Variants in OGFRL1 observed in about 807,000 individuals in gnomAD.
OGFRL1 encodes the protein opioid growth factor receptor-like protein 1.
Under a neutral mutation model 32.4 loss-of-function variants are expected in OGFRL1, and 26 were observed. The observed-to-expected ratio is 0.80, with a 90% CI of 0.59 to 1.11. The LOEUF is 1.11. Among genes scored for constraint, OGFRL1 ranks in the 50% most tolerant of loss-of-function variants. The pLI, the probability that OGFRL1 is intolerant of heterozygous loss-of-function variation, is 0.00. For synonymous variants in OGFRL1, 211 were observed against 201.2 expected, an observed-to-expected ratio of 1.05 and a Z score of -0.41; for missense variants, 521 against 546.4, an observed-to-expected ratio of 0.95 and a Z score of 0.46.
chr6:71,302,088 G>A lies in OGFRL1; in HGVS notation c.*39G>A, dbSNP rs1293976121. 6.9e-7 allele frequency: 1 copy of A among 1,446,984 alleles called. No homozygotes were observed. Among genetic ancestry groups the A allele is most frequent in the Non-Finnish European group, 9.1e-7 (1 of 1,101,744 alleles). The allele number at this position is 1,446,984 out of a possible 1,614,324, so 89.6% of individuals were successfully genotyped here. A position where few individuals can be genotyped will look rare whatever the true frequency, so the allele number is the denominator to read the frequency against. The stretch of plus-strand genomic sequence containing the variant: ...CCAGAAGCCAGTTTAGGCTAGAGAG[G>A]AAAAAACTACTGTATCATTTATCCT... On this transcript the variant is annotated 3_prime_UTR_variant, in exon 7 of 7. Coordinates refer to ENST00000370435, the MANE Select transcript of OGFRL1 (RefSeq NM_024576.5).
Position 71,301,463 on chromosome 6 carries a change from C to G in OGFRL1, c.770C>G (p.Pro257Arg). 2 of 1,612,438 alleles carry G rather than the reference C, an allele frequency of 1.2e-6. No homozygotes were observed. Among genetic ancestry groups the G allele is most frequent in the Non-Finnish European group, 1.7e-6 (2 of 1,179,562 alleles). The change falls in exon 7 of 7, where the codon CCT becomes CGT. Residue 257 changes from proline (P) to arginine (R), a missense_variant. Coordinates refer to ENST00000370435, the MANE Select transcript of OGFRL1 (RefSeq NM_024576.5). ...CTTGGATATGAAAGTTTTAAATCTC[C>G]TCTTGTAAAATTTATTCTTCATGAA... ...GELGYESFKSPLVKFILHEAL... is the reference protein window; with the variant it reads ...GELGYESFKSRLVKFILHEAL...
chr6:71,293,877 A>G (rs1766126179), intron 3 of OGFRL1, among the ~76,000 whole-genome samples: 1 of 152,212 alleles, frequency 6.6e-6, no homozygotes, highest in South Asian at 2.1e-4. Flanking sequence ...ATTAAGGAAC[A>G]GTAGAGAAGA....
Position 71,300,947 on chromosome 6 carries a change from A to G in OGFRL1, c.693-439A>G, listed in dbSNP as rs140402892. On this transcript the variant is annotated intron_variant, in intron 6 of 6. Coordinates refer to ENST00000370435, the MANE Select transcript of OGFRL1 (RefSeq NM_024576.5). Reference sequence around the variant, plus strand: ...TGGATTTTGCTTATCAGCTGGCACTATAAATTGTACCAGTCAGCTGTTAGC... The same window carrying G: ...TGGATTTTGCTTATCAGCTGGCACTGTAAATTGTACCAGTCAGCTGTTAGC... 3.6e-4 allele frequency among the ~76,000 whole-genome samples: 55 copies of G among 152,336 alleles called. No homozygotes were observed. The East Asian group carries it at 9.5e-3, about 26-fold the overall frequency.
In OGFRL1 at chr6:71,296,820, A is replaced by G; in HGVS notation, c.692+3A>G. On this transcript the variant is annotated splice_donor_region_variant and intron_variant, in intron 6 of 6. Transcript: ENST00000370435. Reference sequence around the variant, plus strand: ...GAAAGATTTCAGCATCTGAATGAGTAAGTAAAGCCCCTGTGATAAATCAGG... The same window carrying G: ...GAAAGATTTCAGCATCTGAATGAGTGAGTAAAGCCCCTGTGATAAATCAGG... 1.9e-6 allele frequency: 3 copies of G among 1,611,488 alleles called. No homozygotes were observed. The Admixed American group carries it at 5.1e-5, about 27-fold the overall frequency.
rs1766427185 is a variant in OGFRL1 at position 71,302,429 on chromosome 6, G to C, written c.*380G>C. 1 of 155,374 alleles carries C rather than the reference G, an allele frequency of 6.4e-6. No individual in the cohort carries two copies. The highest frequency in any genetic ancestry group is 1.4e-5 in the Non-Finnish European group (1 of 70,372). The allele number at this position is 155,374 out of a possible 1,614,324, so 9.6% of individuals were successfully genotyped here. On this transcript the variant is annotated 3_prime_UTR_variant, in exon 7 of 7. Coordinates refer to ENST00000370435, the MANE Select transcript of OGFRL1 (RefSeq NM_024576.5). The stretch of plus-strand genomic sequence containing the variant: ...GGAAATCAAGAGGATAATTTCATTG[G>C]ATTGCTACACTTTTACCTGATTTAT...
chr6:71,301,223 T>C (rs1766373684), intron 6 of OGFRL1, among the ~76,000 whole-genome samples, 163 bp from the exon 7 acceptor site: 2 of 152,210 alleles, frequency 1.3e-5, no homozygotes, highest in Admixed American at 1.3e-4. Context: ...TTTAATACCC[T>C]CTGGTTTATT....
chr6:71,295,222 A>T (rs1766168416), intron 3 of OGFRL1: 1 of 152,184 alleles, frequency 6.6e-6, no homozygotes, highest in Admixed American at 6.5e-5. Flanking sequence ...GGTAGTTGGA[A>T]AGGAAAACAA....
chr6:71,301,846 A>C lies in OGFRL1; in HGVS notation c.1153A>C (p.Ser385Arg). 6.2e-7 allele frequency: 1 copy of C among 1,612,970 alleles called. No individual in the cohort carries two copies. The change falls in exon 7 of 7, where the codon AGC (serine) becomes CGC (arginine). Residue 385 changes from serine to arginine, a missense_variant. Coordinates refer to ENST00000370435, the MANE Select transcript of OGFRL1 (RefSeq NM_024576.5). ...EETDRPSPEP[S>R]NEAAKPRNTE... ...GACAGACAGGCCCAGCCCAGAGCCC[A>C]GCAATGAAGCTGCCAAGCCAAGAAA...
At chr6:71,299,382 T>G (rs1321492569) in intron 6 of OGFRL1, among the ~76,000 whole-genome samples, 1 of 152,206 alleles carries the variant, frequency 6.6e-6, no homozygotes, top group African/African-American at 2.4e-5. Flanking sequence ...CCAATTGCTT[T>G]ATTTTGTAGT....
Position 71,305,332 on chromosome 6 carries a change from A to C in OGFRL1, c.*3283A>C, listed in dbSNP as rs2149358957. 1 of 152,190 alleles carries C rather than the reference A, an allele frequency of 6.6e-6. No individual in the cohort carries two copies. Among genetic ancestry groups the C allele is most frequent in the East Asian group, 1.9e-4 (1 of 5,188 alleles). The allele number at this position is 152,190 out of a possible 1,614,324, so 9.4% of individuals were successfully genotyped here. A position where few individuals can be genotyped will look rare whatever the true frequency, so the allele number is the denominator to read the frequency against. ...TACTGTAAAGTGACATATAGTTATA[A>C]GATATATTTCTGTACAGTAGAGAAA... On this transcript the variant is annotated 3_prime_UTR_variant, in exon 7 of 7. Coordinates refer to ENST00000370435, the MANE Select transcript of OGFRL1 (RefSeq NM_024576.5).
rs369232745 is a variant in OGFRL1, at chr6:71,302,003, A to C, written c.1310A>C (p.Glu437Ala). ...GGTGGAAATGATAACCAAGACAATG[A>C]AAATCCTGGAAATACAAATTGCCAT... is the stretch of plus-strand genomic sequence containing the variant. ...EEGGNDNQDN[E>A]NPGNTNCHDV... The change falls in exon 7 of 7, where the codon GAA (glutamate) becomes GCA (alanine). Residue 437 changes from glutamate to alanine, a missense_variant. By Grantham distance (107) the Glu-to-Ala change is moderately radical. Coordinates refer to ENST00000370435, the MANE Select transcript of OGFRL1 (RefSeq NM_024576.5). 7.5e-5 allele frequency: 119 copies of C among 1,594,386 alleles called. No individual in the cohort carries two copies. The highest frequency in any genetic ancestry group is 1.0e-4 in the Non-Finnish European group (117 of 1,173,992).
At chr6:71,294,100 G>A (rs979927615) in intron 3 of OGFRL1, among the ~76,000 whole-genome samples, 17 of 152,176 alleles carry the variant, frequency 1.1e-4, no homozygotes, top group Non-Finnish European at 2.4e-4. Flanking sequence ...CCTGTTTGGA[G>A]TTCCAATATT....
chr6:71,289,335 C>A, intron 1 of OGFRL1, 165 bp downstream of exon 1: 1 of 984,228 alleles, frequency 1.0e-6, no homozygotes, highest in African/African-American at 1.7e-5. Context: ...CCGGTGGAGC[C>A]CGGGGGCCTG....
rs569473056 is a variant in OGFRL1, at chr6:71,308,731, A to G, written c.*6682A>G. ...AGTGTTATGCCAAAAATGTATAAAG[A>G]GCAATAGTTTTTGTTGCTTACTGCT... On this transcript the variant is annotated 3_prime_UTR_variant, in exon 7 of 7. Coordinates refer to ENST00000370435, the MANE Select transcript of OGFRL1 (RefSeq NM_024576.5). 1 of 152,292 alleles carries G rather than the reference A, an allele frequency of 6.6e-6. No homozygotes were observed. The highest frequency in any genetic ancestry group is 1.9e-4 in the East Asian group (1 of 5,180). The allele number at this position is 152,292 out of a possible 1,614,324, so 9.4% of individuals were successfully genotyped here.
intron 3 of OGFRL1, 21 bp from the exon 4 acceptor site, chr6:71,296,296 T>G (rs1561948212): frequency 6.7e-7 from 1 of 1,490,070 alleles, no homozygotes; most frequent in South Asian, 1.2e-5. Context: ...TCTGGTTCAT[T>G]TTTAAATATT....
rs1766615409 is a variant in OGFRL1 at position 71,308,283 on chromosome 6, A to G, written c.*6234A>G. The G allele has an allele frequency of 6.6e-6, 1 of 152,218 alleles. No individual in the cohort carries two copies. The highest frequency in any genetic ancestry group is 2.4e-5 in the African/African-American group (1 of 41,460). The allele number at this position is 152,218 out of a possible 1,614,324, so 9.4% of individuals were successfully genotyped here. A position where few individuals can be genotyped will look rare whatever the true frequency, so the allele number is the denominator to read the frequency against. On this transcript the variant is annotated 3_prime_UTR_variant, in exon 7 of 7. Transcript: ENST00000370435. ...GTTGACAGCATATTAATTGTGTGGCATTATAATTGTGAGAAACAAATGAGA... is the reference window on the plus strand; with the variant it reads ...GTTGACAGCATATTAATTGTGTGGCGTTATAATTGTGAGAAACAAATGAGA...
chr6:71,299,142 A>G (rs1394537773), intron 6 of OGFRL1, among the ~76,000 whole-genome samples: 1 of 151,998 alleles, frequency 6.6e-6, no homozygotes, highest in Non-Finnish European at 1.5e-5. Flanking sequence ...TTTAACTTTT[A>G]TTTTTTGTTT....
At chr6:71,293,805 G>T (rs573725523) in intron 3 of OGFRL1, among the ~76,000 whole-genome samples, 194 bp downstream of exon 3, 1 of 152,278 alleles carries the variant, frequency 6.6e-6, no homozygotes, top group East Asian at 1.9e-4. Context: ...CTGAAAGATA[G>T]TAGGGACAAT....
intron 1 of OGFRL1, 153 bp downstream of exon 1, chr6:71,289,323 T>A (rs1192927572): frequency 7.1e-6 from 7 of 983,714 alleles, no homozygotes; most frequent in Non-Finnish European, 8.4e-6. Flanking sequence ...CTGACCTGTC[T>A]CCCGGTGGAG....
Sources: gnomAD v4.1 joint callset for allele counts (sites outside exome capture counted in the v4.1 genomes callset) on GRCh38, gnomAD v4.1.1 for gene constraint, MANE v1.5 for transcripts, NCBI Gene and HGNC (gene_info 2026-07-23, HGNC 2026-07-21) for gene names.